Variants in SPHKAP observed in about 807,000 individuals in gnomAD.
SPHKAP encodes the protein A-kinase anchor protein SPHKAP.
SPHKAP carries 67 observed loss-of-function variants against 137.5 expected under a neutral mutation model. That is an observed-to-expected ratio of 0.49 (90% CI 0.40 to 0.60). The LOEUF (loss-of-function observed/expected upper bound fraction) is 0.60, where lower values mean the gene tolerates loss of function less well. Among genes scored for constraint, SPHKAP ranks in the 20% least tolerant of loss-of-function variants. SPHKAP has a pLI of 0.00. For synonymous variants in SPHKAP, 813 were observed against 785.3 expected, an observed-to-expected ratio of 1.04 and a Z score of -0.59; for missense variants, 2,097 against 2,069.3, an observed-to-expected ratio of 1.01 and a Z score of -0.26.
Position 228,019,095 on chromosome 2 carries a change from C to T in SPHKAP, c.1759G>A (p.Gly587Ser), listed in dbSNP as rs935481542. 1.2e-6 allele frequency: 2 copies of T among 1,613,824 alleles called. No homozygotes were observed. Among genetic ancestry groups the T allele is most frequent in the African/African-American group, 1.3e-5 (1 of 74,924 alleles). The change falls in exon 7 of 12, where the codon GGT becomes AGT. Residue 587 changes from glycine to serine, a missense_variant. Physicochemically the swap from Gly to Ser is moderately conservative, Grantham distance 56. Coordinates refer to ENST00000392056, the MANE Select transcript of SPHKAP (RefSeq NM_001142644.2). Reference protein sequence around the residue: ...EEVTCSVAPSGSLPPAAEASE... With the variant: ...EEVTCSVAPSSSLPPAAEASE... ...GCCTCAGCTGCAGGCGGGAGGCTACCACTTGGAGCCACTGAGCATGTCACC... is the reference window on the plus strand; with the variant it reads ...GCCTCAGCTGCAGGCGGGAGGCTACTACTTGGAGCCACTGAGCATGTCACC...
chr2:228,135,204 G>T (rs540504153), intron 1 of SPHKAP, among the ~76,000 whole-genome samples: 163 of 148,974 alleles, frequency 1.1e-3, no homozygotes, highest in African/African-American at 3.9e-3. Flanking sequence ...AACCCAGGAG[G>T]CAGAGGTTGT....
At chr2:228,034,579 A>G (rs1695501553) in intron 3 of SPHKAP, among the ~76,000 whole-genome samples, 1 of 152,186 alleles carries the variant, frequency 6.6e-6, no homozygotes, top group African/African-American at 2.4e-5. Flanking sequence ...TACAACCAAA[A>G]AAGAGAATTT....
intron 3 of SPHKAP, among the ~76,000 whole-genome samples, chr2:228,086,785 C>T (rs1007154549): frequency 6.6e-6 from 1 of 152,116 alleles, no homozygotes; most frequent in Non-Finnish European, 1.5e-5. Context: ...GAAACGGAGT[C>T]TGGGAAAGTT....
chr2:228,154,814 C>T (rs1274113360), intron 1 of SPHKAP, among the ~76,000 whole-genome samples: 5 of 150,062 alleles, frequency 3.3e-5, no homozygotes, highest in Admixed American at 6.7e-5. Flanking sequence ...CCACCTCAGC[C>T]TCCCAAAGTG....
At chr2:228,003,485 A>G (rs79115680) in intron 7 of SPHKAP, among the ~76,000 whole-genome samples, 80,621 of 151,906 alleles carry the variant, frequency 0.53, 21,744 homozygotes, top group South Asian at 0.67. Flanking sequence ...GGGTTTTCTA[A>G]ATACACAATC....
chr2:228,083,062 T>C (rs575870195), intron 3 of SPHKAP, among the ~76,000 whole-genome samples: 1 of 152,278 alleles, frequency 6.6e-6, no homozygotes, highest in African/African-American at 2.4e-5. Flanking sequence ...GTACAGATAA[T>C]CTATTCACTA....
At chr2:228,137,065 C>T (rs1392156335) in intron 1 of SPHKAP, among the ~76,000 whole-genome samples, 1 of 152,124 alleles carries the variant, frequency 6.6e-6, no homozygotes, top group Non-Finnish European at 1.5e-5. Flanking sequence ...ACGCTCCTGC[C>T]TCGTTCCCAC....
intron 3 of SPHKAP, among the ~76,000 whole-genome samples, chr2:228,086,042 C>T (rs1697527362): frequency 6.6e-6 from 1 of 152,012 alleles, no homozygotes; most frequent in East Asian, 1.9e-4. Flanking sequence ...CCAAACATCT[C>T]CAAAGGCCAG....
chr2:228,002,611 C>T (rs1009342004), intron 7 of SPHKAP, among the ~76,000 whole-genome samples: 1 of 152,144 alleles, frequency 6.6e-6, no homozygotes, highest in Non-Finnish European at 1.5e-5. Flanking sequence ...GTTGCCATTG[C>T]TTTTGGTGTT....
At chr2:228,180,538 T>C (rs1700875565) in intron 1 of SPHKAP, among the ~76,000 whole-genome samples, 2 of 152,112 alleles carry the variant, frequency 1.3e-5, no homozygotes, top group African/African-American at 4.8e-5. Flanking sequence ...GCTACCTACC[T>C]ACCTGCTTGG....
At chr2:228,097,626 C>G (rs1484661714) in intron 3 of SPHKAP, among the ~76,000 whole-genome samples, 2 of 152,048 alleles carry the variant, frequency 1.3e-5, no homozygotes, top group Admixed American at 1.3e-4. Flanking sequence ...GCACATAGTA[C>G]CTGACAAGTA....
intron 7 of SPHKAP, among the ~76,000 whole-genome samples, chr2:228,001,336 T>A (rs143163772): frequency 0.094 from 13,393 of 142,532 alleles, 721 homozygotes; most frequent in Middle Eastern, 0.22. Context: ...TATACATATA[T>A]AAATATATAT....
intron 3 of SPHKAP, among the ~76,000 whole-genome samples, chr2:228,082,395 A>G (rs998597519): frequency 6.6e-6 from 1 of 152,154 alleles, no homozygotes; most frequent in African/African-American, 2.4e-5. Context: ...TTGCTGTAAA[A>G]CCTTAGGGAG....
chr2:228,155,020 A>C lies in SPHKAP; in HGVS notation c.33-22935T>G, dbSNP rs141955033. 7.7e-4 allele frequency among the ~76,000 whole-genome samples: 117 copies of C among 152,228 alleles called. No homozygotes were observed. The East Asian group carries it at 0.022, about 28-fold the overall frequency. On this transcript the variant is annotated intron_variant, in intron 1 of 11. Transcript: ENST00000392056. ...TCCCAGGTACCATTAGGCATTAGCA[A>C]GGTGTTTAATTATACTTTTTCATCC...
intron 2 of SPHKAP, among the ~76,000 whole-genome samples, chr2:228,117,879 T>G (rs1175194400): frequency 1.3e-5 from 2 of 151,662 alleles, no homozygotes; most frequent in East Asian, 3.9e-4. Context: ...TTGCAAAATT[T>G]TATTGGTTCA....
intron 1 of SPHKAP, among the ~76,000 whole-genome samples, chr2:228,180,492 A>C (rs1700874460): frequency 6.6e-6 from 1 of 152,134 alleles, no homozygotes; most frequent in African/African-American, 2.4e-5. Flanking sequence ...CCGAACTTAA[A>C]GTGTTTATTC....
intron 1 of SPHKAP, among the ~76,000 whole-genome samples, chr2:228,164,529 A>G (rs1700365063): frequency 6.6e-6 from 1 of 152,244 alleles, no homozygotes; most frequent in Non-Finnish European, 1.5e-5. Context: ...GTTTCTGTTT[A>G]TGAAGCATTT....
rs1184720741 is a variant in SPHKAP at position 228,046,288 on chromosome 2, A to ATTTTT, written c.247-18746_247-18745insAAAAA. On this transcript the variant is annotated intron_variant, in intron 3 of 11. Coordinates refer to ENST00000392056, the MANE Select transcript of SPHKAP (RefSeq NM_001142644.2). ...TTTCTGCATGCTGAATACTGTTGTT[A>ATTTTT]TTCTTTTTTTTTTTTTTTTTTTTTG... Among the ~76,000 whole-genome samples the ATTTTT allele has an allele frequency of 1.4e-4, 8 of 58,662 alleles. No individual in the cohort carries two copies. In the East Asian group the frequency reaches 4.0e-3, roughly 29 times the overall value. The allele number at this position is 58,662 out of a possible 152,430, so 38.5% of individuals were successfully genotyped here.
rs1016666760 is a variant in SPHKAP at position 227,981,185 on chromosome 2, T to C, written c.*532A>G. On this transcript the variant is annotated 3_prime_UTR_variant, in exon 12 of 12. Coordinates refer to ENST00000392056, the MANE Select transcript of SPHKAP (RefSeq NM_001142644.2). ...CTGCTATACTTTTATCAATGTCTAC[T>C]GACATTGATTTGAAAGTGGAAATCT... 6.6e-6 allele frequency: 1 copy of C among 152,296 alleles called. No homozygotes were observed. The highest frequency in any genetic ancestry group is 2.4e-5 in the African/African-American group (1 of 41,470). 9.4% of individuals were successfully genotyped at this position (152,296 alleles called of 1,614,324 possible). A position where few individuals can be genotyped will look rare whatever the true frequency, so the allele number is the denominator to read the frequency against.
Sources: gnomAD v4.1 joint callset for allele counts (sites outside exome capture counted in the v4.1 genomes callset) on GRCh38, gnomAD v4.1.1 for gene constraint, MANE v1.5 for transcripts, NCBI Gene and HGNC (gene_info 2026-07-23, HGNC 2026-07-21) for gene names.